UNC5D: variants seen among roughly 807,000 people sequenced by gnomAD.
The protein encoded by UNC5D is unc-5 netrin receptor D.
Under a neutral mutation model 105.4 loss-of-function variants are expected in UNC5D, and 39 were observed. That is an observed-to-expected ratio of 0.37 (90% CI 0.29 to 0.48). The LOEUF (loss-of-function observed/expected upper bound fraction) is 0.48, where lower values mean the gene tolerates loss of function less well. UNC5D is among the 20% of genes least tolerant of loss of function. The pLI is 0.98. For synonymous variants in UNC5D, 452 were observed against 450.4 expected, an observed-to-expected ratio of 1.00 and a Z score of -0.04; for missense variants, 991 against 1,202.4, an observed-to-expected ratio of 0.82 and a Z score of 2.60.
At chr8:35,400,773 CCT>C (rs1392382053) in intron 1 of UNC5D, among the ~76,000 whole-genome samples, 2 of 152,180 alleles carry the variant, frequency 1.3e-5, no homozygotes, top group African/African-American at 4.8e-5. Context: ...CTTCGTCACC[CCT>C]CTCATTCAGC....
At chr8:35,377,368 A>T (rs995151771) in intron 1 of UNC5D, among the ~76,000 whole-genome samples, 2 of 152,156 alleles carry the variant, frequency 1.3e-5, no homozygotes, top group African/African-American at 4.8e-5. Flanking sequence ...GGAACCTGTG[A>T]ACACAGCTCC....
At chr8:35,421,358 C>T (rs759886163) in intron 1 of UNC5D, among the ~76,000 whole-genome samples, 11 of 152,048 alleles carry the variant, frequency 7.2e-5, no homozygotes, top group Admixed American at 2.6e-4. Context: ...CCTCACCTAA[C>T]GCCTGTATGG....
chr8:35,599,240 C>T (rs2130916892), intron 4 of UNC5D, among the ~76,000 whole-genome samples: 1 of 147,730 alleles, frequency 6.8e-6, no homozygotes, highest in East Asian at 2.0e-4. Flanking sequence ...GTTGAGGAGA[C>T]ATTGGTCAAA....
chr8:35,742,385 G>A (rs1829807916), intron 11 of UNC5D, among the ~76,000 whole-genome samples: 1 of 152,290 alleles, frequency 6.6e-6, no homozygotes, highest in African/African-American at 2.4e-5. Flanking sequence ...AAAACTATAT[G>A]TCTTGTGCAT....
At chr8:35,242,699 T>C (rs1384385409) in intron 1 of UNC5D, among the ~76,000 whole-genome samples, 3 of 152,068 alleles carry the variant, frequency 2.0e-5, no homozygotes, top group Non-Finnish European at 4.4e-5. Context: ...GGTCTCAAAC[T>C]CCTGACCTCG....
chr8:35,499,381 G>A (rs1404656924), intron 1 of UNC5D, among the ~76,000 whole-genome samples: 1 of 152,066 alleles, frequency 6.6e-6, no homozygotes, highest in African/African-American at 2.4e-5. Flanking sequence ...TCTCCCTCTT[G>A]GTTGTTTATT....
In UNC5D at chr8:35,750,634, C is replaced by T. The variant is rs1830231789; in HGVS notation, c.1988C>T (p.Pro663Leu). Residue 663 changes from proline to leucine, a missense_variant, in exon 13 of 17, where the codon CCC becomes CTC. Pro to Leu is a moderately conservative substitution (Grantham distance 98, BLOSUM62 -3). Coordinates refer to ENST00000404895, the MANE Select transcript of UNC5D (RefSeq NM_080872.4). The stretch of plus-strand genomic sequence containing the variant: ...ACATCCTGTTACTGCCTTTTGGACC[C>T]CTTTGCGTGTCATGTGCTCCTGGAC... ...ESTSCYCLLD[P>L]FACHVLLDSF... 1.2e-6 allele frequency: 2 copies of T among 1,614,080 alleles called. No individual in the cohort carries two copies. Among genetic ancestry groups the T allele is most frequent in the East Asian group, 4.5e-5 (2 of 44,846 alleles).
chr8:35,601,671 G>C (rs1386124073), intron 4 of UNC5D, among the ~76,000 whole-genome samples: 1 of 152,200 alleles, frequency 6.6e-6, no homozygotes, highest in East Asian at 1.9e-4. Flanking sequence ...CTTTGCTGAA[G>C]TTGCTTATCA....
intron 1 of UNC5D, among the ~76,000 whole-genome samples, chr8:35,503,610 C>A (rs1812108847): frequency 6.6e-6 from 1 of 152,172 alleles, no homozygotes; most frequent in African/African-American, 2.4e-5. Flanking sequence ...GAATATTTCA[C>A]TCTGTTTTAT....
intron 1 of UNC5D, among the ~76,000 whole-genome samples, chr8:35,427,162 T>C (rs1215181567): frequency 6.6e-6 from 1 of 152,206 alleles, no homozygotes; most frequent in East Asian, 1.9e-4. Context: ...ACTACCCCTT[T>C]GAATTATTCT....
chr8:35,356,846 T>C (rs1801586000), intron 1 of UNC5D, among the ~76,000 whole-genome samples: 1 of 151,944 alleles, frequency 6.6e-6, no homozygotes, highest in Admixed American at 6.6e-5. Flanking sequence ...GACTAATGGG[T>C]GGGGAGCATC....
At chr8:35,715,264 A>G (rs1164387565) in intron 8 of UNC5D, among the ~76,000 whole-genome samples, 1 of 152,230 alleles carries the variant, frequency 6.6e-6, no homozygotes, top group Non-Finnish European at 1.5e-5. Context: ...TATAATATAG[A>G]GCCTTTAGTG....
At chr8:35,279,002 C>A (rs1466230652) in intron 1 of UNC5D, among the ~76,000 whole-genome samples, 1 of 152,130 alleles carries the variant, frequency 6.6e-6, no homozygotes, top group Non-Finnish European at 1.5e-5. Context: ...TGATTATCTA[C>A]CCTAAGAAAG....
chr8:35,635,765 T>C (rs996559130), intron 4 of UNC5D, among the ~76,000 whole-genome samples: 3 of 152,168 alleles, frequency 2.0e-5, no homozygotes, highest in Admixed American at 6.5e-5. Context: ...TTGTTATGTA[T>C]GTAGAAACTA....
At chr8:35,361,113 T>G (rs1048917330) in intron 1 of UNC5D, among the ~76,000 whole-genome samples, 5 of 152,062 alleles carry the variant, frequency 3.3e-5, no homozygotes, top group African/African-American at 1.2e-4. Flanking sequence ...ATGTGGATGA[T>G]GAGGGAGTTT....
chr8:35,553,442 T>C (rs1244312357), intron 2 of UNC5D, among the ~76,000 whole-genome samples: 1 of 152,094 alleles, frequency 6.6e-6, no homozygotes, highest in African/African-American at 2.4e-5. Context: ...TCTGAGTATA[T>C]TATATACCGA....
intron 9 of UNC5D, among the ~76,000 whole-genome samples, chr8:35,723,835 A>G (rs2131543458): frequency 6.6e-6 from 1 of 152,280 alleles, no homozygotes; most frequent in South Asian, 2.1e-4. Context: ...TTTGTGCATA[A>G]GTCCGTAGGC....
intron 11 of UNC5D, among the ~76,000 whole-genome samples, chr8:35,740,852 A>G (rs1829722827): frequency 6.6e-6 from 1 of 152,060 alleles, no homozygotes; most frequent in African/African-American, 2.4e-5. Context: ...TTGGCCTCAA[A>G]ACTCCTGAGC....
intron 1 of UNC5D, among the ~76,000 whole-genome samples, chr8:35,271,172 T>C (rs1332400779): frequency 6.7e-6 from 1 of 149,644 alleles, no homozygotes; most frequent in Non-Finnish European, 1.5e-5. Context: ...TCAACAAATA[T>C]ATTTGTATAT....
Sources: allele counts gnomAD v4.1 joint callset (sites outside exome capture counted in the v4.1 genomes callset), GRCh38; gene constraint gnomAD v4.1.1; transcripts MANE v1.5; gene names NCBI Gene and HGNC (gene_info 2026-07-23, HGNC 2026-07-21).